The following CD96 variants were observed in gnomAD, a reference collection of about 807,000 sequenced individuals.
The protein encoded by CD96 is CD96 molecule.
A neutral mutation model predicts 71.3 loss-of-function variants in CD96; 70 were observed. The observed-to-expected ratio is 0.98, with a 90% CI of 0.81 to 1.20. CD96 has a LOEUF of 1.20. Among genes scored for constraint, CD96 ranks in the 50% most tolerant of loss-of-function variants. The pLI, the probability that CD96 is intolerant of heterozygous loss-of-function variation, is 0.00. For missense variants in CD96, 742 were observed against 677.5 expected, an observed-to-expected ratio of 1.10 and a Z score of -1.06; for synonymous variants, 248 against 233.0, an observed-to-expected ratio of 1.06 and a Z score of -0.59.
chr3:111,649,707 A>G lies in CD96; in HGVS notation c.1611A>G (p.Arg537=), dbSNP rs779848268. 3.1e-6 allele frequency: 5 copies of G among 1,610,574 alleles called. No individual in the cohort carries two copies. The highest frequency in any genetic ancestry group is 4.2e-6 in the Non-Finnish European group (5 of 1,176,858). The change falls in exon 14 of 14, where the codon AGA becomes AGG. Residue 537 remains arginine (R), a synonymous_variant. Coordinates refer to ENST00000352690, the MANE Select transcript of CD96 (RefSeq NM_005816.5). ...AATATTTTGTTCCTAGAATGGAAAG[A>G]CCTCCACCTTTCAAGCCACCACCAC... is the stretch of plus-strand genomic sequence containing the variant. ...WCQYQKEIME[R]PPPFKPPPPP... is the part of the protein sequence containing the mutation.
At chr3:111,642,615 T>A (rs1351780350) in intron 12 of CD96, among the ~76,000 whole-genome samples, 2 of 151,972 alleles carry the variant, frequency 1.3e-5, no homozygotes, top group Non-Finnish European at 2.9e-5. Flanking sequence ...ACGACCCGCC[T>A]GGCCAAGACA....
intron 8 of CD96, among the ~76,000 whole-genome samples, chr3:111,612,426 C>G (rs1937996222): frequency 6.6e-6 from 1 of 152,192 alleles, no homozygotes; most frequent in East Asian, 1.9e-4. Context: ...TGTTTACCAA[C>G]TGCCATGATT....
At chr3:111,663,479 C>CT (rs201091774) in intron 14 of CD96, among the ~76,000 whole-genome samples, 1,580 of 152,148 alleles carry the variant, frequency 0.01, 14 homozygotes, top group South Asian at 0.019. Context: ...ATCAACAGGC[C>CT]TAATATCCAG....
intron 8 of CD96, among the ~76,000 whole-genome samples, chr3:111,617,083 G>C (rs906724407): frequency 1.3e-5 from 2 of 152,186 alleles, no homozygotes; most frequent in Non-Finnish European, 2.9e-5. Flanking sequence ...CCCCCACCTT[G>C]GCCCCCTCCA....
At chr3:111,585,424 G>T in intron 5 of CD96, 46 bp downstream of exon 5, 1 of 1,228,808 alleles carries the variant, frequency 8.1e-7, no homozygotes, top group East Asian at 2.3e-5. Flanking sequence ...TTACATGTAA[G>T]GTGTGTCAGG....
chr3:111,565,045 T>C (rs1935641062), intron 2 of CD96, among the ~76,000 whole-genome samples: 2 of 152,194 alleles, frequency 1.3e-5, no homozygotes, highest in Non-Finnish European at 2.9e-5. Flanking sequence ...CTTTTTCTTA[T>C]TTTTCTTGAA....
intron 13 of CD96, among the ~76,000 whole-genome samples, chr3:111,648,211 A>G (rs968186645): frequency 2.6e-5 from 4 of 152,174 alleles, no homozygotes; most frequent in Non-Finnish European, 4.4e-5. Context: ...GCCTTCTCCA[A>G]TCGGCAGTCT....
chr3:111,612,921 C>A (rs1408516875), intron 8 of CD96: 13 of 382,556 alleles, frequency 3.4e-5, no homozygotes, highest in Non-Finnish European at 1.1e-5. Context: ...CTGTAGCCCA[C>A]CCCCGCCATC....
At chr3:111,654,261 A>G (rs1940176335), downstream of CD96, among the ~76,000 whole-genome samples, 1 of 152,196 alleles carries the variant, frequency 6.6e-6, no homozygotes, top group Admixed American at 6.5e-5. Flanking sequence ...GAATTGGGGA[A>G]TCAAGGCAGT....
chr3:111,612,748 A>AG (rs1188735673), intron 8 of CD96: 3 of 252,368 alleles, frequency 1.2e-5, no homozygotes, highest in African/African-American at 2.3e-5. Flanking sequence ...AATCCCTTCT[A>AG]GTGTGAAGCT....
At chr3:111,613,441 A>G (rs1195463594) in intron 8 of CD96, among the ~76,000 whole-genome samples, 2 of 152,188 alleles carry the variant, frequency 1.3e-5, no homozygotes, top group African/African-American at 2.4e-5. Context: ...GTTTAGATTT[A>G]GGTTTAGGTT....
At chr3:111,654,213 G>T (rs910635959), downstream of CD96, among the ~76,000 whole-genome samples, 1 of 152,168 alleles carries the variant, frequency 6.6e-6, no homozygotes, top group African/African-American at 2.4e-5. Flanking sequence ...CCAGCTAAAG[G>T]ATGGGTGTCC....
At chr3:111,591,317 G>A (rs1212063831) in intron 5 of CD96, among the ~76,000 whole-genome samples, 2 of 145,448 alleles carry the variant, frequency 1.4e-5, no homozygotes, top group African/African-American at 2.5e-5. Context: ...AGGTTGCAGT[G>A]AGCCAAGATC....
intron 3 of CD96, among the ~76,000 whole-genome samples, chr3:111,568,202 A>G (rs919287582): frequency 6.6e-6 from 1 of 152,234 alleles, no homozygotes; most frequent in Non-Finnish European, 1.5e-5. Context: ...GCAGGCCTAT[A>G]GTTGCATGCC....
At chr3:111,571,393 C>G (rs1935978944) in intron 3 of CD96, among the ~76,000 whole-genome samples, 1 of 151,598 alleles carries the variant, frequency 6.6e-6, no homozygotes, top group Admixed American at 6.6e-5. Flanking sequence ...TAAATTCATG[C>G]TGTTTGATTG....
chr3:111,571,151 C>A, intron 3 of CD96: 1 of 634,362 alleles, frequency 1.6e-6, no homozygotes, highest in South Asian at 2.2e-5. Flanking sequence ...CCTGGGTCCC[C>A]CTTTTCCCTG....
chr3:111,558,917 C>T (rs2107517466), intron 2 of CD96, among the ~76,000 whole-genome samples: 1 of 152,180 alleles, frequency 6.6e-6, no homozygotes, highest in South Asian at 2.1e-4. Flanking sequence ...GATGCAACTT[C>T]TTCCTGGTTT....
intron 5 of CD96, among the ~76,000 whole-genome samples, chr3:111,587,175 T>C (rs1369107111): frequency 1.3e-5 from 2 of 152,210 alleles, no homozygotes. Context: ...CCAAGACTCA[T>C]ATCCAGGTCA....
At chr3:111,550,389 G>C (rs2173318) in intron 2 of CD96, among the ~76,000 whole-genome samples, 30 of 151,750 alleles carry the variant, frequency 2.0e-4, no homozygotes, top group Non-Finnish European at 4.3e-4. Context: ...TCAAATGCGG[G>C]ATTCTGTTGA....
Sources: gnomAD v4.1 joint callset for allele counts (sites outside exome capture counted in the v4.1 genomes callset) on GRCh38, gnomAD v4.1.1 for gene constraint, MANE v1.5 for transcripts, NCBI Gene and HGNC (gene_info 2026-07-23, HGNC 2026-07-21) for gene names.